The following TOP1 variants were observed in gnomAD, a reference collection of about 807,000 sequenced individuals.
The protein encoded by TOP1 is DNA topoisomerase 1.
TOP1 carries 10 observed loss-of-function variants against 111.1 expected under a neutral mutation model. The ratio of observed to expected loss-of-function variants is 0.09; its 90% confidence interval spans 0.06 to 0.15. The LOEUF (loss-of-function observed/expected upper bound fraction) is 0.15, where lower values mean the gene tolerates loss of function less well. Among genes scored for constraint, TOP1 ranks in the 10% least tolerant of loss-of-function variants. The pLI is 1.00. For missense variants in TOP1, 474 were observed against 926.7 expected (o/e 0.51, Z 6.34); for synonymous variants, 271 against 302.9 (o/e 0.89, Z 1.10).
rs2033624058 is a variant in TOP1, at chr20:41,067,637, C to T, written c.155+6147C>T. 3.3e-5 allele frequency among the ~76,000 whole-genome samples: 5 copies of T among 152,242 alleles called. No homozygotes were observed. In the South Asian group the frequency reaches 1.0e-3, roughly 32 times the overall value. ...TAATCAATTGTAGCTAATTTTGTGG[C>T]CATTTGTTAGGAGAAAACAAGTGTT... On this transcript the variant is annotated intron_variant, in intron 3 of 20. Coordinates refer to ENST00000361337, the MANE Select transcript of TOP1 (RefSeq NM_003286.4). This position sits in a 1 kb window ranked among gnomAD's most constrained non-coding sequence, Gnocchi z 4.0.
At position 41,115,234 on chromosome 20, in the gene TOP1, T is replaced by C; in HGVS notation, c.1639-137T>C. The C allele has an allele frequency of 1.6e-6, 1 of 607,860 alleles. No individual in the cohort carries two copies. The highest frequency in any genetic ancestry group is 2.9e-6 in the Non-Finnish European group (1 of 339,602). 37.7% of individuals were successfully genotyped at this position (607,860 alleles called of 1,614,324 possible). ...TGCAAATGATGAATGGGGTAAAATG[T>C]TAACAGTGAATCTCGGTGACGGATG... On this transcript the variant is annotated intron_variant, in intron 15 of 20. Coordinates refer to ENST00000361337, the MANE Select transcript of TOP1 (RefSeq NM_003286.4). This position sits in a 1 kb window ranked among gnomAD's most constrained non-coding sequence, Gnocchi z 6.3.
chr20:41,062,597 G>T (rs6093431), intron 3 of TOP1, among the ~76,000 whole-genome samples: 10,284 of 152,020 alleles, frequency 0.068, 374 homozygotes, highest in Middle Eastern at 0.17. Context: ...AATATCTACC[G>T]TACAGCAAAG....
At chr20:41,099,938 T>G in intron 11 of TOP1, 118 bp from the exon 12 acceptor site, 3 of 644,430 alleles carry the variant, frequency 4.7e-6, no homozygotes, top group Non-Finnish European at 5.0e-6. Context: ...TTGAATTTAT[T>G]TTTTAGTGAT....
chr20:41,082,261 G>A lies in TOP1; in HGVS notation c.507+1021G>A, dbSNP rs1169584634. Among the ~76,000 whole-genome samples, 1 of 152,176 alleles carries A rather than the reference G, an allele frequency of 6.6e-6. No individual in the cohort carries two copies. Among genetic ancestry groups the A allele is most frequent in the Admixed American group, 6.5e-5 (1 of 15,270 alleles). On this transcript the variant is annotated intron_variant, in intron 7 of 20. Coordinates refer to ENST00000361337, the MANE Select transcript of TOP1 (RefSeq NM_003286.4). The surrounding 1 kb of genome is among the most constrained non-coding windows in gnomAD (Gnocchi z 4.1). The stretch of plus-strand genomic sequence containing the variant: ...CTTAAGAGGATAATCTATCATAATA[G>A]AATGATGTTAATAATCACAATTAAA...
intron 2 of TOP1, among the ~76,000 whole-genome samples, chr20:41,031,366 G>C (rs1253395306): frequency 6.6e-6 from 1 of 152,186 alleles, no homozygotes. Context: ...GGGCTGAGTA[G>C]GTAATGTAAG....
chr20:41,102,828 T>G lies in TOP1; in HGVS notation c.1308+1475T>G, dbSNP rs1600591657. ...CTTATAGGCTGGTGGGCAAATCAGG[T>G]AAGAATTCAGTTGTATTAGAAGAAA... On this transcript the variant is annotated intron_variant, in intron 13 of 20. Coordinates refer to ENST00000361337, the MANE Select transcript of TOP1 (RefSeq NM_003286.4). The surrounding 1 kb of genome is among the most constrained non-coding windows in gnomAD (Gnocchi z 4.0). 6.6e-6 allele frequency among the ~76,000 whole-genome samples: 1 copy of G among 152,128 alleles called. No individual in the cohort carries two copies. The highest frequency in any genetic ancestry group is 1.5e-5 in the Non-Finnish European group (1 of 68,012).
rs367970343 is a variant in TOP1 at position 41,123,624 on chromosome 20, A to G, written c.*327A>G. On this transcript the variant is annotated 3_prime_UTR_variant, in exon 21 of 21. Transcript: ENST00000361337. The surrounding 1 kb of genome is among the most constrained non-coding windows in gnomAD (Gnocchi z 5.8). ...TTCACTGTTTCACTGAAATGTTTGGATTCTCTTAGCTACTGTATGCAAAGT... is the reference window on the plus strand; with the variant it reads ...TTCACTGTTTCACTGAAATGTTTGGGTTCTCTTAGCTACTGTATGCAAAGT... 10 of 292,752 alleles carry G rather than the reference A, an allele frequency of 3.4e-5. No individual in the cohort carries two copies. Among genetic ancestry groups the G allele is most frequent in the African/African-American group, 1.9e-4 (9 of 46,624 alleles). 18.1% of individuals were successfully genotyped at this position (292,752 alleles called of 1,614,324 possible).
At chr20:41,073,592 G>A (rs56193666) in intron 3 of TOP1, among the ~76,000 whole-genome samples, 3,137 of 152,224 alleles carry the variant, frequency 0.021, 102 homozygotes, top group African/African-American at 0.071. Flanking sequence ...AAATATAAGG[G>A]TATTGATATG....
At chr20:41,056,134 A>G (rs996653119) in intron 2 of TOP1, among the ~76,000 whole-genome samples, 3 of 152,204 alleles carry the variant, frequency 2.0e-5, no homozygotes, top group African/African-American at 7.2e-5. Context: ...AATTCCAGGC[A>G]TCGCTTACAT....
In TOP1 at chr20:41,109,822, G is replaced by T. The variant is rs2034205876; in HGVS notation, c.1309-2960G>T. 6.6e-6 allele frequency among the ~76,000 whole-genome samples: 1 copy of T among 152,120 alleles called. No homozygotes were observed. Among genetic ancestry groups the T allele is most frequent in the South Asian group, 2.1e-4 (1 of 4,822 alleles). ...AAGTGAAATAAAAACATTTATCCATGAAAAAACTTGTACAAGAATGTTCAT... is the reference window on the plus strand; with the variant it reads ...AAGTGAAATAAAAACATTTATCCATTAAAAAACTTGTACAAGAATGTTCAT... On this transcript the variant is annotated intron_variant, in intron 13 of 20. Coordinates refer to ENST00000361337, the MANE Select transcript of TOP1 (RefSeq NM_003286.4). The surrounding 1 kb of genome is among the most constrained non-coding windows in gnomAD (Gnocchi z 4.1).
chr20:41,087,430 A>G (rs2033862172), intron 8 of TOP1, among the ~76,000 whole-genome samples: 1 of 152,236 alleles, frequency 6.6e-6, no homozygotes. Context: ...GATTCTTCAT[A>G]AAGAATTACC....
intron 2 of TOP1, among the ~76,000 whole-genome samples, chr20:41,040,192 C>G (rs2122594152): frequency 6.6e-6 from 1 of 152,272 alleles, no homozygotes; most frequent in Admixed American, 6.5e-5. Flanking sequence ...CATGAAGTAT[C>G]TTGATATGGG....
At chr20:41,062,671 G>A (rs1265686335) in intron 3 of TOP1, among the ~76,000 whole-genome samples, 1 of 152,186 alleles carries the variant, frequency 6.6e-6, no homozygotes, top group Non-Finnish European at 1.5e-5. Flanking sequence ...GGAGAACATA[G>A]CAGTTATAAA....
In TOP1 at chr20:41,095,506, C is replaced by G. The variant is rs1033090169; in HGVS notation, c.731-1714C>G. ...CTTTTAATACACAGCCTATCTTCCC[C>G]GAAGTGTCTTTCTTCCAAAGCAGAA... On this transcript the variant is annotated intron_variant, in intron 9 of 20. Coordinates refer to ENST00000361337, the MANE Select transcript of TOP1 (RefSeq NM_003286.4). The surrounding 1 kb of genome is among the most constrained non-coding windows in gnomAD (Gnocchi z 4.6). 6.6e-6 allele frequency among the ~76,000 whole-genome samples: 1 copy of G among 152,126 alleles called. No individual in the cohort carries two copies. The highest frequency in any genetic ancestry group is 1.5e-5 in the Non-Finnish European group (1 of 68,024).
At chr20:41,038,751 C>G (rs945004257) in intron 2 of TOP1, among the ~76,000 whole-genome samples, 1 of 151,970 alleles carries the variant, frequency 6.6e-6, no homozygotes, top group East Asian at 1.9e-4. Context: ...TTTGGGAGGC[C>G]GAGATGGGCA....
Position 41,082,902 on chromosome 20 carries a change from GA to G in TOP1, c.508-1554del, listed in dbSNP as rs1193802379. On this transcript the variant is annotated intron_variant, in intron 7 of 20. Coordinates refer to ENST00000361337, the MANE Select transcript of TOP1 (RefSeq NM_003286.4). The surrounding 1 kb of genome is among the most constrained non-coding windows in gnomAD (Gnocchi z 4.1). ...TACTCTGAGTTTGTTAAACCATTGG[GA>G]AAAAAGAACAGTTGACTTCATTTGT... is the stretch of plus-strand genomic sequence containing the variant. 2.0e-5 allele frequency among the ~76,000 whole-genome samples: 3 copies of G among 151,732 alleles called. No homozygotes were observed. The highest frequency in any genetic ancestry group is 7.3e-5 in the African/African-American group (3 of 41,318).
At position 41,098,273 on chromosome 20, in the gene TOP1, A is replaced by G. The variant is rs1012236642; in HGVS notation, c.911A>G (p.Gln304Arg). Residue 304 changes from glutamine (Q) to arginine (R), a missense_variant, in exon 11 of 21, where the codon CAG (glutamine) becomes CGG (arginine). Around this residue, in one of 14 missense-constraint regions of TOP1, gnomAD observed 84 missense variants for 119.2 expected, o/e 0.70. Coordinates refer to ENST00000361337, the MANE Select transcript of TOP1 (RefSeq NM_003286.4). This position sits in a 1 kb window ranked among gnomAD's most constrained non-coding sequence, Gnocchi z 5.7. ...AACCTAAGCAAATGTGATTTTACCC[A>G]GATGAGCCAGTATTTCAAAGCCCAG... ...ITNLSKCDFTQMSQYFKAQTE... is the reference protein window; with the variant it reads ...ITNLSKCDFTRMSQYFKAQTE... The G allele has an allele frequency of 5.6e-6, 9 of 1,614,012 alleles. No homozygotes were observed. The South Asian group carries it at 9.9e-5, about 18-fold the overall frequency.
At chr20:41,073,065 CT>C in intron 3 of TOP1, 1 of 985,350 alleles carries the variant, frequency 1.0e-6, no homozygotes, top group Non-Finnish European at 1.2e-6. Flanking sequence ...ATATCGTTGA[CT>C]TTTGGCTTCC....
intron 17 of TOP1, among the ~76,000 whole-genome samples, chr20:41,117,697 CTT>C (rs2034356130): frequency 6.6e-6 from 1 of 152,026 alleles, no homozygotes; most frequent in East Asian, 1.9e-4. Flanking sequence ...AATTTTTAAA[CTT>C]TTAACGTCCC....
Sources: allele counts gnomAD v4.1 joint callset (sites outside exome capture counted in the v4.1 genomes callset), GRCh38; gene constraint gnomAD v4.1.1; regional missense constraint gnomAD v4.1.1; non-coding constraint Gnocchi (gnomAD v3.1); transcripts MANE v1.5; gene names NCBI Gene and HGNC (gene_info 2026-07-23, HGNC 2026-07-21).